ETV3: variants seen among roughly 807,000 people sequenced by gnomAD.
ETV3 encodes the protein ETS translocation variant 3.
In ETV3, 8 loss-of-function variants were observed where a neutral mutation model predicts 33.0. That is an observed-to-expected ratio of 0.24 (90% CI 0.14 to 0.44). The LOEUF (loss-of-function observed/expected upper bound fraction) is 0.44, where lower values mean the gene tolerates loss of function less well. ETV3 is among the 20% of genes least tolerant of loss of function. The pLI, the probability that ETV3 is intolerant of heterozygous loss-of-function variation, is 1.00. For synonymous variants in ETV3, 222 were observed against 238.9 expected (o/e 0.93, Z 0.65); for missense variants, 473 against 652.3 (o/e 0.73, Z 2.99).
At chr1:157,134,293 A>T in intron 3 of ETV3, 66 bp from the exon 4 acceptor site, 1 of 1,554,716 alleles carries the variant, frequency 6.4e-7, no homozygotes. Context: ...ACACTTAGGT[A>T]GCCACTGAGA....
In ETV3 at chr1:157,124,357, A is replaced by C. The variant is rs956001556; in HGVS notation, c.*484T>G. ...TTCCTTCCCTGAAATAATTATAAAG[A>C]AGCATTTCAGGCAAAATACTTAGTA... On this transcript the variant is annotated 3_prime_UTR_variant, in exon 5 of 5. Coordinates refer to ENST00000368192, the MANE Select transcript of ETV3 (RefSeq NM_001145312.3). 1 of 152,368 alleles carries C rather than the reference A, an allele frequency of 6.6e-6. No individual in the cohort carries two copies. Among genetic ancestry groups the C allele is most frequent in the African/African-American group, 2.4e-5 (1 of 41,426 alleles). The allele number at this position is 152,368 out of a possible 1,614,324, so 9.4% of individuals were successfully genotyped here. A position where few individuals can be genotyped will look rare whatever the true frequency, so the allele number is the denominator to read the frequency against.
rs1674752160 is a variant in ETV3, at chr1:157,123,486, C to T, written c.*1355G>A. ...CAAATGGGTATGGCAAGAATGGGAA[C>T]ACCACAACAGGACAGATGCCAACTC... On this transcript the variant is annotated 3_prime_UTR_variant, in exon 5 of 5. Transcript: ENST00000368192. The T allele has an allele frequency of 6.6e-6, 1 of 152,210 alleles. No individual in the cohort carries two copies. Among genetic ancestry groups the T allele is most frequent in the Non-Finnish European group, 1.5e-5 (1 of 68,046 alleles). The allele number at this position is 152,210 out of a possible 1,614,324, so 9.4% of individuals were successfully genotyped here.
chr1:157,134,600 G>A (rs374259773), intron 3 of ETV3, among the ~76,000 whole-genome samples: 2 of 152,214 alleles, frequency 1.3e-5, no homozygotes, highest in Admixed American at 1.3e-4. Context: ...TTGCCCAGGT[G>A]GGGGCAGACA....
rs894152815 is a variant in ETV3, at chr1:157,123,187, A to G, written c.*1654T>C. On this transcript the variant is annotated 3_prime_UTR_variant, in exon 5 of 5. Transcript: ENST00000368192. ...CCTTCCTCTCATCGGATATGGAGTG[A>G]TTTCTTCTCTCGCTGCTGCGACGCA... is the stretch of plus-strand genomic sequence containing the variant. 3 of 152,330 alleles carry G rather than the reference A, an allele frequency of 2.0e-5. No homozygotes were observed. Among genetic ancestry groups the G allele is most frequent in the East Asian group, 1.9e-4 (1 of 5,188 alleles). 9.4% of individuals were successfully genotyped at this position (152,330 alleles called of 1,614,324 possible).
rs1674811622 is a variant in ETV3 at position 157,125,558 on chromosome 1, G to A, written c.822C>T (p.Phe274=). 4 of 1,551,872 alleles carry A rather than the reference G, an allele frequency of 2.6e-6. No individual in the cohort carries two copies. Among genetic ancestry groups the A allele is most frequent in the Non-Finnish European group, 3.5e-6 (4 of 1,147,064 alleles). The change falls in exon 5 of 5, where the codon TTC becomes TTT. Residue 274 remains phenylalanine, a synonymous_variant. Coordinates refer to ENST00000368192, the MANE Select transcript of ETV3 (RefSeq NM_001145312.3). This position sits in a 1 kb window ranked among gnomAD's most constrained non-coding sequence, Gnocchi z 4.0. ...TCAGGCCTGGTGATGGGCTATAGGA[G>A]AAGATGGTGGGAGTCAGGGAGAGGG... ...SPALSLTPTI[F]SYSPSPGLSP...
Position 157,125,676 on chromosome 1 carries a change from G to C in ETV3, c.704C>G (p.Ala235Gly). Residue 235 changes from alanine (A) to glycine (G), a missense_variant, in exon 5 of 5, where the codon GCT (alanine) becomes GGT (glycine). Physicochemically the swap from Ala to Gly is moderately conservative, Grantham distance 60 (BLOSUM62 0). Coordinates refer to ENST00000368192, the MANE Select transcript of ETV3 (RefSeq NM_001145312.3). This position sits in a 1 kb window ranked among gnomAD's most constrained non-coding sequence, Gnocchi z 4.0. Reference protein sequence around the residue: ...RKPDIMLPLFARPGMYPDPHS... With the variant: ...RKPDIMLPLFGRPGMYPDPHS... ...GGGGTCAGGGTACATCCCTGGCCTA[G>C]CAAACAGAGGAAGCATTATGTCAGG... 3 of 1,551,662 alleles carry C rather than the reference G, an allele frequency of 1.9e-6. No individual in the cohort carries two copies. Among genetic ancestry groups the C allele is most frequent in the Non-Finnish European group, 8.7e-7 (1 of 1,146,992 alleles).
Position 157,125,354 on chromosome 1 carries a change from G to A in ETV3, c.1026C>T (p.Phe342=). Residue 342 remains phenylalanine (F), a synonymous_variant, in exon 5 of 5, where the codon TTC becomes TTT. Coordinates refer to ENST00000368192, the MANE Select transcript of ETV3 (RefSeq NM_001145312.3). The surrounding 1 kb of genome is among the most constrained non-coding windows in gnomAD (Gnocchi z 4.0). ...CTGGTGGGGGCTGCAGCTTGATGGA[G>A]AACTGAGTTGACTCCTCAGGATGCA... is the stretch of plus-strand genomic sequence containing the variant. ...CQMHPEESTQ[F]SIKLQPPPVG... is the part of the protein sequence containing the mutation. 15 of 1,551,972 alleles carry A rather than the reference G, an allele frequency of 9.7e-6. No individual in the cohort carries two copies. Among genetic ancestry groups the A allele is most frequent in the African/African-American group, 1.4e-5 (1 of 73,166 alleles).
intron 4 of ETV3, among the ~76,000 whole-genome samples, chr1:157,130,564 C>G (rs1026608565): frequency 6.6e-6 from 1 of 152,104 alleles, no homozygotes; most frequent in Non-Finnish European, 1.5e-5. Flanking sequence ...AATCTTTGAC[C>G]CCCTCTGGCA....
chr1:157,132,281 G>C (rs1419221827), intron 4 of ETV3, among the ~76,000 whole-genome samples: 1 of 152,208 alleles, frequency 6.6e-6, no homozygotes, highest in African/African-American at 2.4e-5. Flanking sequence ...CTTGAGCTTG[G>C]GTTAAAGATC....
intron 4 of ETV3, among the ~76,000 whole-genome samples, chr1:157,131,727 T>A (rs1205853808): frequency 6.6e-6 from 1 of 152,232 alleles, no homozygotes; most frequent in Non-Finnish European, 1.5e-5. Context: ...TTCACTGGGC[T>A]GAAAAGTTGA....
chr1:157,133,300 T>C (rs539685895), intron 4 of ETV3: 177 of 597,972 alleles, frequency 3.0e-4, no homozygotes, highest in Middle Eastern at 1.7e-3. Context: ...ATCATATATA[T>C]GAATGGAGTT....
At chr1:157,133,980 G>A in intron 4 of ETV3, 132 bp downstream of exon 4, 1 of 1,466,348 alleles carries the variant, frequency 6.8e-7, no homozygotes, top group Non-Finnish European at 9.0e-7. Context: ...TAAGAACATT[G>A]AGGCAATCCA....
intron 4 of ETV3, among the ~76,000 whole-genome samples, chr1:157,131,098 T>C (rs1271341311): frequency 1.3e-5 from 2 of 152,240 alleles, no homozygotes; most frequent in Non-Finnish European, 2.9e-5. Flanking sequence ...TATGGGTGTT[T>C]ACTGTCCTTC....
intron 4 of ETV3, among the ~76,000 whole-genome samples, chr1:157,131,245 C>A (rs1329150829): frequency 6.6e-6 from 1 of 152,180 alleles, no homozygotes; most frequent in East Asian, 1.9e-4. Context: ...CTGACAGTAT[C>A]TTCTGTATCT....
intron 2 of ETV3, among the ~76,000 whole-genome samples, 193 bp from the exon 3 acceptor site, chr1:157,135,901 T>C (rs188925679): frequency 2.0e-5 from 3 of 152,288 alleles, no homozygotes; most frequent in Admixed American, 6.5e-5. Context: ...GTGGCAATCA[T>C]TAAATCTGAT....
intron 4 of ETV3, 26 bp from the exon 5 acceptor site, chr1:157,126,005 C>T: frequency 1.3e-6 from 2 of 1,511,852 alleles, no homozygotes; most frequent in Non-Finnish European, 1.8e-6. Flanking sequence ...ATACAAAAGC[C>T]TGCATCAGAG....
intron 4 of ETV3, among the ~76,000 whole-genome samples, chr1:157,127,535 A>G (rs1268532382): frequency 6.7e-6 from 1 of 148,876 alleles, no homozygotes; most frequent in African/African-American, 2.5e-5. Context: ...TGTGCTACTT[A>G]TGTCAACTTT....
At chr1:157,133,910 A>G (rs1675031775) in intron 4 of ETV3, 1 of 1,393,342 alleles carries the variant, frequency 7.2e-7, no homozygotes, top group Non-Finnish European at 9.3e-7. Context: ...AAATAAACCA[A>G]AGAAATCTAT....
chr1:157,133,278 G>T, intron 4 of ETV3: 1 of 415,894 alleles, frequency 2.4e-6, no homozygotes, highest in Non-Finnish European at 3.2e-6. Flanking sequence ...TGGGGTTAAG[G>T]GAAGAAAAAA....
Sources: gnomAD v4.1 joint callset for allele counts (sites outside exome capture counted in the v4.1 genomes callset) on GRCh38, gnomAD v4.1.1 for gene constraint, Gnocchi (gnomAD v3.1) non-coding constraint, MANE v1.5 for transcripts, NCBI Gene and HGNC (gene_info 2026-07-23, HGNC 2026-07-21) for gene names.